GALNT13: variants seen among roughly 807,000 people sequenced by gnomAD.
The protein encoded by GALNT13 is UDP-GalNAc:polypeptide N-acetylgalactosaminyltransferase 13.
Under a neutral mutation model 64.2 loss-of-function variants are expected in GALNT13, and 28 were observed. The observed-to-expected ratio is 0.44, with a 90% CI of 0.32 to 0.60. GALNT13 has a LOEUF of 0.60. Among genes scored for constraint, GALNT13 ranks in the 20% least tolerant of loss-of-function variants. The pLI, the probability that GALNT13 is intolerant of heterozygous loss-of-function variation, is 0.05. For synonymous variants in GALNT13, 214 were observed against 224.6 expected, an observed-to-expected ratio of 0.95 and a Z score of 0.42; for missense variants, 577 against 669.8, an observed-to-expected ratio of 0.86 and a Z score of 1.53.
the GALNT13 span, among the ~76,000 whole-genome samples, chr2:153,595,099 TGGAG>T: frequency 6.6e-6 from 1 of 152,034 alleles, no homozygotes; most frequent in Non-Finnish European, 1.5e-5. Flanking sequence ...TATTGTGGCA[TGGAG>T]GGAGTGAAAA....
At chr2:153,116,188 G>GTA in the GALNT13 span, among the ~76,000 whole-genome samples, 301 of 152,136 alleles carry the variant, frequency 2.0e-3, no homozygotes, top group Non-Finnish European at 3.6e-3. Flanking sequence ...AATGGTGAGT[G>GTA]TATATATATA....
At chr2:153,573,950 G>A in the GALNT13 span, among the ~76,000 whole-genome samples, 1 of 151,880 alleles carries the variant, frequency 6.6e-6, no homozygotes, top group Non-Finnish European at 1.5e-5. Flanking sequence ...GTACCTTCAG[G>A]TGATTATTTA....
chr2:154,343,871 T>G (rs944750276), intron 9 of GALNT13, among the ~76,000 whole-genome samples: 1 of 152,082 alleles, frequency 6.6e-6, no homozygotes, highest in Non-Finnish European at 1.5e-5. Context: ...CTGCTCTGAC[T>G]GTTTTTACTG....
chr2:154,410,586 C>G (rs1490568589), intron 11 of GALNT13, among the ~76,000 whole-genome samples: 2 of 151,850 alleles, frequency 1.3e-5, no homozygotes, highest in Non-Finnish European at 2.9e-5. Flanking sequence ...GTGTATCTCT[C>G]TTTAGGTAAA....
intron 3 of GALNT13, among the ~76,000 whole-genome samples, chr2:154,137,302 AACAC>A (rs112665813): frequency 1.1e-4 from 17 of 148,864 alleles, no homozygotes; most frequent in East Asian, 3.9e-4. Flanking sequence ...ACACAGGCAA[AACAC>A]ACACACACAC....
At chr2:153,124,745 G>C in the GALNT13 span, among the ~76,000 whole-genome samples, 1 of 152,114 alleles carries the variant, frequency 6.6e-6, no homozygotes, top group Non-Finnish European at 1.5e-5. Context: ...CTCGTGATCT[G>C]CCCACCTCGG....
chr2:153,591,681 A>G, the GALNT13 span, among the ~76,000 whole-genome samples: 1 of 152,038 alleles, frequency 6.6e-6, no homozygotes, highest in Non-Finnish European at 1.5e-5. Context: ...AAAAATCAAC[A>G]CAATATGGAT....
the GALNT13 span, among the ~76,000 whole-genome samples, chr2:153,830,860 T>C: frequency 3.7e-4 from 57 of 152,312 alleles, no homozygotes; most frequent in African/African-American, 1.1e-3. Flanking sequence ...TATATGTGTT[T>C]ACGTATTCTT....
chr2:153,295,157 G>T, the GALNT13 span, among the ~76,000 whole-genome samples: 1 of 152,136 alleles, frequency 6.6e-6, no homozygotes, highest in Admixed American at 6.5e-5. Flanking sequence ...GGATGGAAAA[G>T]TGGGGCTGGC....
At chr2:153,193,955 G>T in the GALNT13 span, among the ~76,000 whole-genome samples, 1 of 147,266 alleles carries the variant, frequency 6.8e-6, no homozygotes, top group African/African-American at 2.5e-5. Context: ...TTTCTGCTGA[G>T]AAGTCTGCTG....
chr2:153,504,460 C>A, the GALNT13 span, among the ~76,000 whole-genome samples: 1 of 152,104 alleles, frequency 6.6e-6, no homozygotes, highest in Non-Finnish European at 1.5e-5. Context: ...TTGTCTTGTT[C>A]CAGTTCTCAA....
intron 11 of GALNT13, among the ~76,000 whole-genome samples, chr2:154,427,208 C>T (rs1298067065): frequency 6.6e-6 from 1 of 152,178 alleles, no homozygotes; most frequent in Non-Finnish European, 1.5e-5. Flanking sequence ...AGGAATCCAA[C>T]ATTTTGACAA....
At chr2:154,015,015 TA>T (rs1313764518) in intron 3 of GALNT13, among the ~76,000 whole-genome samples, 1 of 152,102 alleles carries the variant, frequency 6.6e-6, no homozygotes, top group Non-Finnish European at 1.5e-5. Flanking sequence ...ATACATTGAA[TA>T]GAAAAATAAA....
At chr2:153,689,726 T>C in the GALNT13 span, among the ~76,000 whole-genome samples, 18 of 152,220 alleles carry the variant, frequency 1.2e-4, no homozygotes, top group Non-Finnish European at 2.4e-4. Context: ...TTGTAGATGA[T>C]ATGTGGTTTT....
At chr2:154,237,935 T>TG (rs1193640070) in intron 4 of GALNT13, among the ~76,000 whole-genome samples, 7 of 151,980 alleles carry the variant, frequency 4.6e-5, no homozygotes, top group African/African-American at 1.7e-4. Context: ...GATTTGTTAT[T>TG]GGGGGCATCA....
At chr2:154,008,842 G>A (rs1034622823) in intron 3 of GALNT13, among the ~76,000 whole-genome samples, 30 of 151,954 alleles carry the variant, frequency 2.0e-4, no homozygotes, top group Admixed American at 1.8e-3. Context: ...CCAGTCTACC[G>A]TTTATGGGCA....
At chr2:153,784,177 T>C in the GALNT13 span, among the ~76,000 whole-genome samples, 2 of 152,200 alleles carry the variant, frequency 1.3e-5, no homozygotes, top group South Asian at 2.1e-4. Context: ...TGGAACTTCC[T>C]AGAGACTTTT....
At chr2:153,269,649 A>G in the GALNT13 span, among the ~76,000 whole-genome samples, 7 of 152,104 alleles carry the variant, frequency 4.6e-5, no homozygotes, top group African/African-American at 1.4e-4. Flanking sequence ...GCCGGTACCA[A>G]TTCTCTGTAT....
chr2:153,759,667 T>C, the GALNT13 span, among the ~76,000 whole-genome samples: 1 of 152,182 alleles, frequency 6.6e-6, no homozygotes, highest in African/African-American at 2.4e-5. Flanking sequence ...TACTTGATCA[T>C]ATTAAATGAT....
Sources: allele counts gnomAD v4.1 joint callset (sites outside exome capture counted in the v4.1 genomes callset), GRCh38; gene constraint gnomAD v4.1.1; transcripts MANE v1.5; gene names NCBI Gene and HGNC (gene_info 2026-07-23, HGNC 2026-07-21).